The following PDE6H variants were observed in gnomAD, a reference collection of about 807,000 sequenced individuals.
PDE6H encodes the protein phosphodiesterase 6H.
PDE6H carries 11 observed loss-of-function variants against 9.2 expected under a neutral mutation model. That is an observed-to-expected ratio of 1.19 (90% CI 0.75 to 1.97). The LOEUF (loss-of-function observed/expected upper bound fraction) is 1.97, where lower values mean the gene tolerates loss of function less well. Ranked by LOEUF, PDE6H falls within the 30% of genes most tolerant of loss-of-function variation. The pLI, the probability that PDE6H is intolerant of heterozygous loss-of-function variation, is 0.00. For missense variants in PDE6H, 98 were observed against 101.5 expected (o/e 0.97, Z 0.15); for synonymous variants, 36 against 33.6 (o/e 1.07, Z -0.25).
In PDE6H at chr12:14,981,754, C is replaced by T. The variant is rs1362642898; in HGVS notation, c.*278C>T. 9.4e-6 allele frequency: 5 copies of T among 529,200 alleles called. No individual in the cohort carries two copies. The highest frequency in any genetic ancestry group is 1.7e-5 in the Non-Finnish European group (5 of 294,752). The allele number at this position is 529,200 out of a possible 1,614,324, so 32.8% of individuals were successfully genotyped here. On this transcript the variant is annotated 3_prime_UTR_variant, in exon 4 of 4. Coordinates refer to ENST00000266395, the MANE Select transcript of PDE6H (RefSeq NM_006205.3). ...TCTACATTTTGTTTATCTGTAAGTC[C>T]TTTAAATCTATTTTTGCTAGGCATT...
chr12:14,974,349 T>C (rs1205436588), intron 1 of PDE6H, among the ~76,000 whole-genome samples: 1 of 152,198 alleles, frequency 6.6e-6, no homozygotes, highest in Non-Finnish European at 1.5e-5. Context: ...CTAAAGGTTT[T>C]GCAGAGAGAA....
chr12:14,976,734 C>T (rs11056267), intron 1 of PDE6H, among the ~76,000 whole-genome samples: 82,877 of 151,872 alleles, frequency 0.55, 23,285 homozygotes, highest in African/African-American at 0.67. Flanking sequence ...CATAAATCTG[C>T]AATGGGTGAA....
intron 1 of PDE6H, among the ~76,000 whole-genome samples, chr12:14,977,536 C>A (rs1864614080): frequency 6.6e-6 from 1 of 152,192 alleles, no homozygotes; most frequent in Admixed American, 6.5e-5. Flanking sequence ...ATAATAAATT[C>A]ACGTAGAATG....
At chr12:14,974,744 C>T (rs1028733044) in intron 1 of PDE6H, among the ~76,000 whole-genome samples, 4 of 152,168 alleles carry the variant, frequency 2.6e-5, no homozygotes, top group Non-Finnish European at 5.9e-5. Flanking sequence ...TTGAAGGAAG[C>T]AGAGAATTAC....
intron 1 of PDE6H, among the ~76,000 whole-genome samples, chr12:14,974,546 G>A (rs967898718): frequency 2.0e-5 from 3 of 152,210 alleles, no homozygotes; most frequent in African/African-American, 7.2e-5. Context: ...GCCTAGAGGT[G>A]TAACTTCAAA....
At chr12:14,979,901 T>G (rs1864655255) in intron 3 of PDE6H, among the ~76,000 whole-genome samples, 1 of 152,158 alleles carries the variant, frequency 6.6e-6, no homozygotes, top group Admixed American at 6.5e-5. Flanking sequence ...TCTCTCCCCT[T>G]TTACACAGTT....
chr12:14,981,129 G>A (rs1255632752), intron 3 of PDE6H, among the ~76,000 whole-genome samples: 4 of 152,174 alleles, frequency 2.6e-5, no homozygotes, highest in African/African-American at 9.7e-5. Context: ...TGTAATCAGT[G>A]GGCTGTACCC....
At chr12:14,979,248 C>T in intron 3 of PDE6H, 29 bp downstream of exon 3, 1 of 1,543,820 alleles carries the variant, frequency 6.5e-7, no homozygotes, top group Non-Finnish European at 9.0e-7. Flanking sequence ...TAAGTGAGAA[C>T]TTCGCACTTG....
In PDE6H at chr12:14,978,220, T is replaced by A. The variant is rs1864626991; in HGVS notation, c.134+74T>A. The A allele has an allele frequency of 3.5e-5, 49 of 1,393,246 alleles. No homozygotes were observed. The South Asian group carries it at 5.4e-4, about 15-fold the overall frequency. The allele number at this position is 1,393,246 out of a possible 1,614,324, so 86.3% of individuals were successfully genotyped here. A position where few individuals can be genotyped will look rare whatever the true frequency, so the allele number is the denominator to read the frequency against. ...CAAGACTGCTTTTGTTTTGGGAAAT[T>A]GGTGCTCACAATATTAAACAGACTT... On this transcript the variant is annotated intron_variant, in intron 2 of 3. Coordinates refer to ENST00000266395, the MANE Select transcript of PDE6H (RefSeq NM_006205.3).
In PDE6H at chr12:14,978,103, A is replaced by C; in HGVS notation, c.91A>C (p.Thr31Pro). 1.2e-6 allele frequency: 2 copies of C among 1,613,764 alleles called. No individual in the cohort carries two copies. The highest frequency in any genetic ancestry group is 1.7e-5 in the Admixed American group (1 of 60,010). Residue 31 changes from threonine to proline, a missense_variant, in exon 2 of 4, where the codon ACT becomes CCT. Physicochemically the swap from Thr to Pro is conservative, Grantham distance 38. Coordinates refer to ENST00000266395, the MANE Select transcript of PDE6H (RefSeq NM_006205.3). ...KGPPKFKQRQ[T>P]RQFKSKPPKK... ...CCCTCCCAAGTTCAAGCAGAGGCAG[A>C]CTCGCCAATTCAAGAGTAAACCTCC...
chr12:14,979,305 G>T, intron 3 of PDE6H, 86 bp downstream of exon 3: 1 of 860,828 alleles, frequency 1.2e-6, no homozygotes, highest in Admixed American at 1.8e-5. Flanking sequence ...GCAGTTGAAA[G>T]TTATGAGAAA....
intron 3 of PDE6H, among the ~76,000 whole-genome samples, chr12:14,979,633 A>T (rs982011644): frequency 6.6e-6 from 1 of 152,082 alleles, no homozygotes; most frequent in Non-Finnish European, 1.5e-5. Context: ...AGGTCTGGAG[A>T]TCTCTCCACT....
chr12:14,978,823 A>C (rs1192082954), intron 2 of PDE6H, among the ~76,000 whole-genome samples: 1 of 152,268 alleles, frequency 6.6e-6, no homozygotes, highest in Non-Finnish European at 1.5e-5. Flanking sequence ...ATTTTGAATA[A>C]GTAAACAAAT....
intron 1 of PDE6H, among the ~76,000 whole-genome samples, chr12:14,975,482 T>C (rs1298735650): frequency 1.3e-5 from 2 of 152,140 alleles, no homozygotes; most frequent in African/African-American, 4.8e-5. Context: ...TTCAAAAACC[T>C]TGATCTGAGA....
intron 2 of PDE6H, among the ~76,000 whole-genome samples, chr12:14,978,509 C>T (rs1403947047): frequency 2.0e-5 from 3 of 152,196 alleles, no homozygotes; most frequent in Non-Finnish European, 4.4e-5. Flanking sequence ...TTTATGTCTT[C>T]CAATTTTGTA....
At chr12:14,980,372 T>C (rs1864664039) in intron 3 of PDE6H, among the ~76,000 whole-genome samples, 1 of 152,258 alleles carries the variant, frequency 6.6e-6, no homozygotes, top group Admixed American at 6.5e-5. Context: ...TTTTTTATCC[T>C]ATTGAAAGAT....
Position 14,979,309 on chromosome 12 carries a change from T to A in PDE6H, c.175+90T>A, listed in dbSNP as rs569253750. The A allele has an allele frequency of 7.9e-5, 65 of 825,720 alleles. No individual in the cohort carries two copies. In the South Asian group the frequency reaches 8.9e-4, roughly 11 times the overall value. The allele number at this position is 825,720 out of a possible 1,614,324, so 51.1% of individuals were successfully genotyped here. A position where few individuals can be genotyped will look rare whatever the true frequency, so the allele number is the denominator to read the frequency against. ...GGCCTCAAGGGGCAGTTGAAAGTTA[T>A]GAGAAATACCCAAGGCAGAAGATCT... On this transcript the variant is annotated intron_variant, in intron 3 of 3. Coordinates refer to ENST00000266395, the MANE Select transcript of PDE6H (RefSeq NM_006205.3).
At chr12:14,974,044 A>G (rs986349307) in intron 1 of PDE6H, among the ~76,000 whole-genome samples, 4 of 152,216 alleles carry the variant, frequency 2.6e-5, no homozygotes, top group Non-Finnish European at 5.9e-5. Context: ...GCATCCACTT[A>G]TTTCTGCAGA....
At chr12:14,975,930 C>T (rs1210691897) in intron 1 of PDE6H, among the ~76,000 whole-genome samples, 1 of 151,518 alleles carries the variant, frequency 6.6e-6, no homozygotes, top group Non-Finnish European at 1.5e-5. Context: ...ACACCATTCT[C>T]CTGCCTCAGC....
Sources: gnomAD v4.1 joint callset for allele counts (sites outside exome capture counted in the v4.1 genomes callset) on GRCh38, gnomAD v4.1.1 for gene constraint, MANE v1.5 for transcripts, NCBI Gene and HGNC (gene_info 2026-07-23, HGNC 2026-07-21) for gene names.